The following RAB33B variants were observed in gnomAD, a reference collection of about 807,000 sequenced individuals.
RAB33B encodes ras-related protein Rab-33B.
RAB33B carries 6 observed loss-of-function variants against 15.0 expected under a neutral mutation model. The observed-to-expected ratio is 0.40, with a 90% CI of 0.22 to 0.79. The LOEUF is 0.79. Among genes scored for constraint, RAB33B ranks in the 30% least tolerant of loss-of-function variants. The probability of loss-of-function intolerance (pLI) is 0.37; values close to 1 mark genes in which losing one functional copy is unlikely to be tolerated. For synonymous variants in RAB33B, 117 were observed against 108.3 expected (o/e 1.08, Z -0.50); for missense variants, 257 against 296.4 (o/e 0.87, Z 0.98).
At chr4:139,463,774 T>G (rs1750217633) in intron 1 of RAB33B, among the ~76,000 whole-genome samples, 1 of 152,248 alleles carries the variant, frequency 6.6e-6, no homozygotes, top group Non-Finnish European at 1.5e-5. Flanking sequence ...TGTCCTGTCG[T>G]GTATTGGCTG....
chr4:139,440,993 C>T, the RAB33B span, among the ~76,000 whole-genome samples: 141 of 152,252 alleles, frequency 9.3e-4, no homozygotes, highest in African/African-American at 3.2e-3. Context: ...GGCTGGGCTC[C>T]GCTGGGCAAT....
At chr4:139,438,561 A>G in the RAB33B span, among the ~76,000 whole-genome samples, 2 of 151,944 alleles carry the variant, frequency 1.3e-5, no homozygotes, top group Non-Finnish European at 2.9e-5. Context: ...CCCCTGGATA[A>G]ATCTTTGACT....
chr4:139,439,238 G>A, the RAB33B span, among the ~76,000 whole-genome samples: 2 of 152,132 alleles, frequency 1.3e-5, no homozygotes, highest in African/African-American at 4.8e-5. Flanking sequence ...CTGACCTCGT[G>A]ATCCGCCCGC....
intron 1 of RAB33B, among the ~76,000 whole-genome samples, chr4:139,455,858 T>C (rs1378355705): frequency 6.6e-6 from 1 of 152,208 alleles, no homozygotes; most frequent in Non-Finnish European, 1.5e-5. Context: ...CCTGGATTCA[T>C]ATCTGAACCT....
intron 1 of RAB33B, among the ~76,000 whole-genome samples, chr4:139,457,934 C>T (rs1280638527): frequency 6.6e-6 from 1 of 152,150 alleles, no homozygotes; most frequent in South Asian, 2.1e-4. Flanking sequence ...ACTGTCTTGT[C>T]TTCAAAATTC....
In RAB33B at chr4:139,472,831, G is replaced by A. The variant is rs753002792; in HGVS notation, c.395G>A (p.Cys132Tyr). Residue 132 changes from cysteine to tyrosine, a missense_variant, in exon 2 of 2, where the codon TGC becomes TAC. Coordinates refer to ENST00000305626, the MANE Select transcript of RAB33B (RefSeq NM_031296.3). ...AGCCTACCATCTTGGATAGAAGAAT[G>A]CAAACAACATTTGCTAGCCAATGAT... Reference protein sequence around the residue: ...FHSLPSWIEECKQHLLANDIP... With the variant: ...FHSLPSWIEEYKQHLLANDIP... 1.9e-6 allele frequency: 3 copies of A among 1,614,168 alleles called. No individual in the cohort carries two copies. Among genetic ancestry groups the A allele is most frequent in the Non-Finnish European group, 2.5e-6 (3 of 1,180,024 alleles).
chr4:139,445,382 T>C, the RAB33B span, among the ~76,000 whole-genome samples: 3 of 152,366 alleles, frequency 2.0e-5, no homozygotes, highest in South Asian at 2.1e-4. Context: ...GATGACATTA[T>C]GCTGATCGGA....
chr4:139,467,361 G>T (rs1008109638), intron 1 of RAB33B, among the ~76,000 whole-genome samples: 15 of 10,002 alleles, frequency 1.5e-3, no homozygotes, highest in East Asian at 8.8e-3. Context: ...TCCCTATGTT[G>T]TTCAGACTGG....
At chr4:139,452,544 GCTCT>G (rs1429188641), upstream of RAB33B, 3 of 152,112 alleles carry the variant, frequency 2.0e-5, no homozygotes, top group Admixed American at 1.3e-4. Context: ...ATATTCCGAG[GCTCT>G]CTAATAGTTT....
rs1750473134 is a variant in RAB33B, at chr4:139,474,946, T to G, written c.*1820T>G. ...AAATGTAATCTAATCTAGTTTAAGA[T>G]TTTTGTTTAATCATCATGGTGGTCC... On this transcript the variant is annotated 3_prime_UTR_variant, in exon 2 of 2. Coordinates refer to ENST00000305626, the MANE Select transcript of RAB33B (RefSeq NM_031296.3). The G allele has an allele frequency of 6.6e-6, 1 of 152,496 alleles. No individual in the cohort carries two copies. The highest frequency in any genetic ancestry group is 1.5e-5 in the Non-Finnish European group (1 of 67,972). 9.4% of individuals were successfully genotyped at this position (152,496 alleles called of 1,614,324 possible).
At chr4:139,462,902 GC>G (rs1468867105) in intron 1 of RAB33B, among the ~76,000 whole-genome samples, 1 of 152,224 alleles carries the variant, frequency 6.6e-6, no homozygotes, top group Non-Finnish European at 1.5e-5. Flanking sequence ...TGGGCCAGGT[GC>G]CATGGCTCAT....
chr4:139,458,524 C>G (rs753621699), intron 1 of RAB33B, among the ~76,000 whole-genome samples: 1 of 152,234 alleles, frequency 6.6e-6, no homozygotes, highest in Non-Finnish European at 1.5e-5. Flanking sequence ...ATTTGGTTTT[C>G]TGTTCCTGCA....
At chr4:139,469,527 A>C (rs4359849) in intron 1 of RAB33B, among the ~76,000 whole-genome samples, 1 of 152,124 alleles carries the variant, frequency 6.6e-6, no homozygotes, top group South Asian at 2.1e-4. Context: ...TGGTGAAGTC[A>C]TGTTTTCCTG....
In RAB33B at chr4:139,476,440, A is replaced by T. The variant is rs971617341; in HGVS notation, c.*3314A>T. 1 of 152,174 alleles carries T rather than the reference A, an allele frequency of 6.6e-6. No individual in the cohort carries two copies. Among genetic ancestry groups the T allele is most frequent in the African/African-American group, 2.4e-5 (1 of 41,432 alleles). The allele number at this position is 152,174 out of a possible 1,614,324, so 9.4% of individuals were successfully genotyped here. ...ACAAAATTGACATTATTCATGAAGG[A>T]CTGCTTTCTTAATCAGATATTAAGA... On this transcript the variant is annotated 3_prime_UTR_variant, in exon 2 of 2. Transcript: ENST00000305626.
Position 139,472,947 on chromosome 4 carries a change from A to T in RAB33B, c.511A>T (p.Ser171Cys), listed in dbSNP as rs1482631626. Residue 171 changes from serine to cysteine, a missense_variant, in exon 2 of 2, where the codon AGT (serine) becomes TGT (cysteine). By Grantham distance (112) the Ser-to-Cys change is moderately radical. Transcript: ENST00000305626. ...GGCACAAAAATTTGCTGACACACAC[A>T]GTATGCCTTTGTTTGAAACGTCTGC... ...DLAQKFADTH[S>C]MPLFETSAKN... 1.2e-6 allele frequency: 2 copies of T among 1,614,064 alleles called. No homozygotes were observed. The highest frequency in any genetic ancestry group is 2.7e-5 in the African/African-American group (2 of 74,920).
upstream of RAB33B, chr4:139,449,586 C>T (rs1394653702): frequency 6.6e-6 from 1 of 152,120 alleles, no homozygotes; most frequent in Non-Finnish European, 1.5e-5. Flanking sequence ...ACTAGACTGG[C>T]TTAGCCTCCC....
At chr4:139,448,135 C>T in the RAB33B span, among the ~76,000 whole-genome samples, 1 of 152,004 alleles carries the variant, frequency 6.6e-6, no homozygotes, top group South Asian at 2.1e-4. Context: ...ATTACCATGC[C>T]CTGTGGTTGA....
At chr4:139,459,087 CTCT>C (rs1414340247) in intron 1 of RAB33B, among the ~76,000 whole-genome samples, 1 of 150,318 alleles carries the variant, frequency 6.7e-6, no homozygotes, top group Non-Finnish European at 1.5e-5. Flanking sequence ...GTCCTTTGCC[CTCT>C]TCTTAATGGG....
rs1229984073 is a variant in RAB33B, at chr4:139,460,699, G to A, written c.249+6255G>A. Reference sequence around the variant, plus strand: ...GTGAATGAGAATATGCGCAGTTCAGGTATCCTAAGAATGCTGAAGAATCTT... The same window carrying A: ...GTGAATGAGAATATGCGCAGTTCAGATATCCTAAGAATGCTGAAGAATCTT... On this transcript the variant is annotated intron_variant, in intron 1 of 1. Transcript: ENST00000305626. Among the ~76,000 whole-genome samples the A allele has an allele frequency of 2.0e-5, 3 of 152,160 alleles. 1 individual carries two copies. The highest frequency in any genetic ancestry group is 7.2e-5 in the African/African-American group (3 of 41,428).
Sources: allele counts gnomAD v4.1 joint callset (sites outside exome capture counted in the v4.1 genomes callset), GRCh38; gene constraint gnomAD v4.1.1; transcripts MANE v1.5; gene names NCBI Gene and HGNC (gene_info 2026-07-23, HGNC 2026-07-21).